CDK14: variants seen among roughly 807,000 people sequenced by gnomAD.
CDK14 encodes cyclin-dependent kinase 14.
CDK14 carries 34 observed loss-of-function variants against 60.7 expected under a neutral mutation model. The ratio of observed to expected loss-of-function variants is 0.56; its 90% CI spans 0.43 to 0.75. The LOEUF is 0.75. CDK14 is among the 30% of genes least tolerant of loss of function. CDK14 has a pLI of 0.00. For missense variants in CDK14, 482 were observed against 564.1 expected (o/e 0.85, Z 1.47); for synonymous variants, 197 against 203.7 (o/e 0.97, Z 0.28).
chr7:90,973,306 T>G (rs1794980068), intron 9 of CDK14, among the ~76,000 whole-genome samples: 1 of 152,160 alleles, frequency 6.6e-6, no homozygotes, highest in African/African-American at 2.4e-5. Context: ...CTAAGTTTGA[T>G]GAGTCATTGT....
chr7:90,866,053 T>A (rs1219589223), intron 6 of CDK14, among the ~76,000 whole-genome samples: 1 of 152,136 alleles, frequency 6.6e-6, no homozygotes, highest in East Asian at 1.9e-4. Flanking sequence ...AGATAAGTCC[T>A]AAAAACAGTG....
At chr7:90,717,491 A>G (rs1802289774) in intron 2 of CDK14, among the ~76,000 whole-genome samples, 1 of 152,140 alleles carries the variant, frequency 6.6e-6, no homozygotes. Flanking sequence ...TGTCCTCAAG[A>G]GTCCTCCATT....
chr7:90,605,718 T>C (rs1268244023), intron 2 of CDK14, among the ~76,000 whole-genome samples: 1 of 152,226 alleles, frequency 6.6e-6, no homozygotes, highest in African/African-American at 2.4e-5. Flanking sequence ...ATACAACAAC[T>C]GTTGAATGTT....
intron 2 of CDK14, among the ~76,000 whole-genome samples, chr7:90,640,082 A>G (rs1420759816): frequency 6.6e-6 from 1 of 152,152 alleles, no homozygotes; most frequent in Admixed American, 6.5e-5. Flanking sequence ...CGAGTGAGGC[A>G]GTGCCTCGCC....
At chr7:90,639,977 G>A (rs891383857) in intron 2 of CDK14, among the ~76,000 whole-genome samples, 2 of 152,128 alleles carry the variant, frequency 1.3e-5, no homozygotes, top group South Asian at 4.1e-4. Flanking sequence ...TAGGAAAAGC[G>A]CAGTATTCGG....
intron 5 of CDK14, among the ~76,000 whole-genome samples, chr7:90,812,664 G>T (rs1363495421): frequency 6.6e-6 from 1 of 152,010 alleles, no homozygotes; most frequent in African/African-American, 2.4e-5. Flanking sequence ...ACCATGCAAT[G>T]GTTTTCAAAG....
At chr7:90,781,774 A>G (rs997923507) in intron 4 of CDK14, among the ~76,000 whole-genome samples, 1 of 151,592 alleles carries the variant, frequency 6.6e-6, no homozygotes, top group African/African-American at 2.4e-5. Context: ...CCATTGATCT[A>G]TATCTCTGTT....
chr7:91,131,839 A>G (rs1419198058), intron 14 of CDK14, among the ~76,000 whole-genome samples: 1 of 152,158 alleles, frequency 6.6e-6, no homozygotes, highest in African/African-American at 2.4e-5. Flanking sequence ...AGAATACAGG[A>G]ACTCGTTTAC....
intron 4 of CDK14, among the ~76,000 whole-genome samples, chr7:90,773,837 C>T (rs960129284): frequency 7.0e-6 from 1 of 143,676 alleles, no homozygotes; most frequent in African/African-American, 2.6e-5. Context: ...CATAGGTCTT[C>T]TCTTCCCTCC....
chr7:90,942,446 T>C (rs1319553820), intron 8 of CDK14, among the ~76,000 whole-genome samples: 2 of 152,116 alleles, frequency 1.3e-5, no homozygotes, highest in Non-Finnish European at 2.9e-5. Context: ...TAAGGAGAAA[T>C]GACTTTTGGC....
At chr7:90,710,208 A>G (rs1802010162) in intron 2 of CDK14, 1 of 985,140 alleles carries the variant, frequency 1.0e-6, no homozygotes, top group African/African-American at 1.7e-5. Context: ...GTAGTTTGTA[A>G]ACACCAGTAG....
intron 14 of CDK14, among the ~76,000 whole-genome samples, chr7:91,187,011 A>G (rs997373001): frequency 6.6e-6 from 1 of 152,262 alleles, no homozygotes; most frequent in African/African-American, 2.4e-5. Context: ...ACAGGATTAA[A>G]TAAAGCAGTG....
In CDK14 at chr7:91,054,380, C is replaced by T. The variant is rs1046797979; in HGVS notation, c.1105+8420C>T. On this transcript the variant is annotated intron_variant, in intron 11 of 14. Coordinates refer to ENST00000380050, the MANE Select transcript of CDK14 (RefSeq NM_001287135.2). Reference sequence around the variant, plus strand: ...GCCTTAGGGTATTTAGAGCTCTCCCCACCCACCATCAGCTATCACCTTTGT... The same window carrying T: ...GCCTTAGGGTATTTAGAGCTCTCCCTACCCACCATCAGCTATCACCTTTGT... Among the ~76,000 whole-genome samples, 16 of 152,172 alleles carry T rather than the reference C, an allele frequency of 1.1e-4. 1 individual carries two copies.
chr7:90,694,749 T>G (rs6965282), intron 2 of CDK14, among the ~76,000 whole-genome samples: 33,589 of 152,022 alleles, frequency 0.22, 4,253 homozygotes, highest in Middle Eastern at 0.3. Context: ...AACTGAAGAG[T>G]TAATTGATTA....
At chr7:90,911,031 G>T (rs1792880414) in intron 7 of CDK14, among the ~76,000 whole-genome samples, 1 of 152,056 alleles carries the variant, frequency 6.6e-6, no homozygotes, top group Admixed American at 6.6e-5. Context: ...AGAAGATGTG[G>T]TATTTGTTTT....
chr7:91,178,956 G>T (rs1177505881), intron 14 of CDK14, among the ~76,000 whole-genome samples: 1 of 152,134 alleles, frequency 6.6e-6, no homozygotes, highest in East Asian at 1.9e-4. Flanking sequence ...TCCCATTACT[G>T]GGTATATACC....
In CDK14 at chr7:90,981,802, A is replaced by AAAAACAAAACAAAACAAAACAAAAC. The variant is rs1562855362; in HGVS notation, c.948-2346_948-2345insAAAACAAAACAAAACAAAACAAAAC. On this transcript the variant is annotated intron_variant, in intron 9 of 14. Coordinates refer to ENST00000380050, the MANE Select transcript of CDK14 (RefSeq NM_001287135.2). ...GAATTTCCAGGAGGTAGAGAGTTCTAGAAACAAAACAAAACAAAACAAAAC... is the reference window on the plus strand; with the variant it reads ...GAATTTCCAGGAGGTAGAGAGTTCTAAAAACAAAACAAAACAAAACAAAACGAAACAAAACAAAACAAAACAAAAC... 5.2e-4 allele frequency among the ~76,000 whole-genome samples: 5 copies of AAAAACAAAACAAAACAAAACAAAAC among 9,624 alleles called. No individual in the cohort carries two copies. The East Asian group carries it at 0.038, about 74-fold the overall frequency. The allele number at this position is 9,624 out of a possible 152,430, so 6.3% of individuals were successfully genotyped here.
chr7:90,976,527 T>A (rs1584190373), intron 9 of CDK14, among the ~76,000 whole-genome samples: 2 of 146,950 alleles, frequency 1.4e-5, no homozygotes, highest in East Asian at 3.9e-4. Flanking sequence ...GCCTGGCAAA[T>A]TTTTTTTTTT....
Position 91,054,503 on chromosome 7 carries a change from A to G in CDK14, c.1105+8543A>G, listed in dbSNP as rs140314638. Among the ~76,000 whole-genome samples the G allele has an allele frequency of 4.8e-4, 73 of 152,322 alleles. 1 individual carries two copies. The highest frequency in any genetic ancestry group is 1.7e-3 in the African/African-American group (70 of 41,566). ...AATTTATGAACTATGTGAACATTATAAAGCTAAGGAAGTAAAATATGTAAA... is the reference window on the plus strand; with the variant it reads ...AATTTATGAACTATGTGAACATTATGAAGCTAAGGAAGTAAAATATGTAAA... On this transcript the variant is annotated intron_variant, in intron 11 of 14. Coordinates refer to ENST00000380050, the MANE Select transcript of CDK14 (RefSeq NM_001287135.2).
Sources: allele counts gnomAD v4.1 joint callset (sites outside exome capture counted in the v4.1 genomes callset), GRCh38; gene constraint gnomAD v4.1.1; transcripts MANE v1.5; gene names NCBI Gene and HGNC (gene_info 2026-07-23, HGNC 2026-07-21).